DLG2: variants seen among roughly 807,000 people sequenced by gnomAD.
The protein encoded by DLG2 is discs large MAGUK scaffold protein 2.
Under a neutral mutation model 132.5 loss-of-function variants are expected in DLG2, and 45 were observed. The ratio of observed to expected loss-of-function variants is 0.34; its 90% CI spans 0.27 to 0.44. DLG2 has a LOEUF of 0.44. Ranked by LOEUF, DLG2 falls within the 20% of genes least tolerant of loss-of-function variation. The pLI is 1.00. For synonymous variants in DLG2, 424 were observed against 419.6 expected (o/e 1.01, Z -0.13); for missense variants, 1,045 against 1,196.9 (o/e 0.87, Z 1.87).
At chr11:84,338,761 G>A (rs2098500316) in intron 7 of DLG2, among the ~76,000 whole-genome samples, 1 of 152,034 alleles carries the variant, frequency 6.6e-6, no homozygotes, top group Admixed American at 6.6e-5. Context: ...AGCCAAGATG[G>A]CGCCACTGCA....
At chr11:85,068,405 T>G (rs566884495) in intron 6 of DLG2, among the ~76,000 whole-genome samples, 1 of 152,124 alleles carries the variant, frequency 6.6e-6, no homozygotes, top group Admixed American at 6.6e-5. Flanking sequence ...GGAAACCCCA[T>G]AGTCTCAGCC....
At chr11:83,953,470 C>G (rs1488257477) in intron 14 of DLG2, among the ~76,000 whole-genome samples, 2 of 152,164 alleles carry the variant, frequency 1.3e-5, no homozygotes, top group Non-Finnish European at 2.9e-5. Flanking sequence ...TGAGGTGGAA[C>G]CATGAAACAG....
At chr11:85,102,921 G>A (rs977630689) in intron 6 of DLG2, among the ~76,000 whole-genome samples, 1 of 152,008 alleles carries the variant, frequency 6.6e-6, no homozygotes, top group Non-Finnish European at 1.5e-5. Flanking sequence ...AGTAAGTTTG[G>A]TAAGGTTGCT....
At chr11:84,208,219 C>A (rs1377670603) in intron 8 of DLG2, among the ~76,000 whole-genome samples, 1 of 152,128 alleles carries the variant, frequency 6.6e-6, no homozygotes, top group Non-Finnish European at 1.5e-5. Context: ...TTGCCTGCAA[C>A]TCCTGTCTCC....
chr11:84,422,251 G>A (rs930887603), intron 7 of DLG2, among the ~76,000 whole-genome samples: 28 of 152,140 alleles, frequency 1.8e-4, no homozygotes, highest in Admixed American at 9.2e-4. Context: ...ATGCAGCACT[G>A]TTATGCTCGT....
intron 6 of DLG2, among the ~76,000 whole-genome samples, chr11:84,833,404 C>A (rs1441257522): frequency 6.6e-6 from 1 of 151,504 alleles, no homozygotes; most frequent in African/African-American, 2.4e-5. Context: ...TTTTATCTCA[C>A]CCCTAAAATG....
chr11:83,590,879 T>C (rs1223154239), intron 19 of DLG2, among the ~76,000 whole-genome samples: 3 of 151,424 alleles, frequency 2.0e-5, no homozygotes, highest in African/African-American at 7.3e-5. Flanking sequence ...GCAAATAAAC[T>C]AGAAAATCTA....
intron 7 of DLG2, among the ~76,000 whole-genome samples, chr11:84,301,889 A>G (rs558248678): frequency 1.2e-4 from 19 of 152,262 alleles, no homozygotes; most frequent in Admixed American, 9.8e-4. Context: ...CTATAAAGAT[A>G]CATGTACACA....
intron 9 of DLG2, among the ~76,000 whole-genome samples, chr11:84,147,186 A>C (rs768005696): frequency 6.6e-6 from 1 of 152,004 alleles, no homozygotes; most frequent in African/African-American, 2.4e-5. Flanking sequence ...GTTCGGATCC[A>C]TTGGGTTTAG....
intron 4 of DLG2, among the ~76,000 whole-genome samples, chr11:85,191,169 C>CACACACAT (rs2080534465): frequency 7.0e-6 from 1 of 143,884 alleles, no homozygotes; most frequent in Non-Finnish European, 1.5e-5. Flanking sequence ...CGCGCACACA[C>CACACACAT]ACACACACAC....
At chr11:83,547,553 G>T (rs560413104) in intron 19 of DLG2, among the ~76,000 whole-genome samples, 1 of 152,206 alleles carries the variant, frequency 6.6e-6, no homozygotes, top group South Asian at 2.1e-4. Context: ...AAGGAAAATG[G>T]TGGCCTTTTA....
At chr11:85,428,342 C>T (rs1278248997) in intron 3 of DLG2, among the ~76,000 whole-genome samples, 1 of 152,164 alleles carries the variant, frequency 6.6e-6, no homozygotes, top group African/African-American at 2.4e-5. Flanking sequence ...CAGCACCACA[C>T]CCCACTTATT....
intron 6 of DLG2, among the ~76,000 whole-genome samples, chr11:84,566,094 G>T (rs1011883507): frequency 6.6e-6 from 1 of 151,700 alleles, no homozygotes; most frequent in Non-Finnish European, 1.5e-5. Flanking sequence ...GAGTAGCTGG[G>T]ACTAAAGCAG....
intron 3 of DLG2, among the ~76,000 whole-genome samples, chr11:85,396,234 C>A (rs1756355140): frequency 6.6e-6 from 1 of 152,100 alleles, no homozygotes; most frequent in African/African-American, 2.4e-5. Context: ...GCATCAACAA[C>A]AACAAAGAAG....
intron 6 of DLG2, among the ~76,000 whole-genome samples, chr11:84,841,557 C>G (rs1308843587): frequency 6.6e-6 from 1 of 151,822 alleles, no homozygotes; most frequent in East Asian, 1.9e-4. Context: ...TTTAGTTATT[C>G]CTTGTAGCTA....
chr11:84,270,875 G>C (rs1018466099), intron 7 of DLG2, among the ~76,000 whole-genome samples: 1 of 152,128 alleles, frequency 6.6e-6, no homozygotes, highest in Non-Finnish European at 1.5e-5. Flanking sequence ...AATTATTTGA[G>C]CCGTATATTT....
At chr11:83,906,278 C>T (rs747167818) in intron 15 of DLG2, among the ~76,000 whole-genome samples, 1 of 113,740 alleles carries the variant, frequency 8.8e-6, no homozygotes, top group African/African-American at 3.0e-5. Flanking sequence ...CACACACACA[C>T]ACACACACAC....
chr11:84,033,598 G>A (rs886315456), intron 11 of DLG2, among the ~76,000 whole-genome samples: 10 of 152,206 alleles, frequency 6.6e-5, no homozygotes, highest in African/African-American at 2.4e-4. Flanking sequence ...TGAAGCATTA[G>A]CAGGGTTTGA....
chr11:85,579,330 C>G (rs2078361487), intron 3 of DLG2, among the ~76,000 whole-genome samples: 1 of 152,000 alleles, frequency 6.6e-6, no homozygotes, highest in Non-Finnish European at 1.5e-5. Context: ...AACAAACCCC[C>G]ATGATACAAG....
Sources: allele counts gnomAD v4.1 joint callset (sites outside exome capture counted in the v4.1 genomes callset), GRCh38; gene constraint gnomAD v4.1.1; transcripts MANE v1.5; gene names NCBI Gene and HGNC (gene_info 2026-07-23, HGNC 2026-07-21).